Variants in ATL2 observed in about 807,000 individuals in gnomAD.
ATL2 encodes atlastin GTPase 2.
A neutral mutation model predicts 73.9 loss-of-function variants in ATL2; 31 were observed. That is an observed-to-expected ratio of 0.42 (90% confidence interval 0.32 to 0.57). The LOEUF (loss-of-function observed/expected upper bound fraction) is 0.57. Ranked by LOEUF, ATL2 falls within the 20% of genes least tolerant of loss-of-function variation. The pLI is 0.14. For synonymous variants in ATL2, 291 were observed against 237.5 expected (o/e 1.23, Z -2.07); for missense variants, 738 against 702.6 (o/e 1.05, Z -0.57).
intron 2 of ATL2, among the ~76,000 whole-genome samples, chr2:38,329,671 C>G (rs2888564): frequency 0.12 from 18,206 of 151,926 alleles, 2,494 homozygotes; most frequent in African/African-American, 0.34. Flanking sequence ...CAGTATATAT[C>G]ATGAATATAA....
At chr2:38,358,402 A>G in intron 1 of ATL2, 1 of 155,562 alleles carries the variant, frequency 6.4e-6, no homozygotes, top group South Asian at 1.7e-4. Flanking sequence ...GGAAAAAGCT[A>G]TAGAAATTAT....
At chr2:38,334,399 G>T (rs888116085) in intron 2 of ATL2, among the ~76,000 whole-genome samples, 1 of 150,692 alleles carries the variant, frequency 6.6e-6, no homozygotes, top group African/African-American at 2.4e-5. Flanking sequence ...TTTCCTTATT[G>T]ACTCTTAAAA....
At chr2:38,367,620 C>CAA (rs1671415479) in intron 1 of ATL2, among the ~76,000 whole-genome samples, 59 of 113,300 alleles carry the variant, frequency 5.2e-4, no homozygotes, top group Middle Eastern at 0.014. Context: ...AAAAAAACCG[C>CAA]CCATTTAAAA....
intron 9 of ATL2, among the ~76,000 whole-genome samples, chr2:38,307,058 C>G (rs1667486070): frequency 6.6e-6 from 1 of 152,078 alleles, no homozygotes; most frequent in Non-Finnish European, 1.5e-5. Context: ...TATGAAACTA[C>G]TAAAAGAACA....
intron 9 of ATL2, among the ~76,000 whole-genome samples, chr2:38,307,351 T>C (rs1311602728): frequency 1.4e-5 from 2 of 145,846 alleles, no homozygotes; most frequent in Admixed American, 1.3e-4. Context: ...CCCAGTGTTT[T>C]CTTTTCTTTT....
chr2:38,343,548 T>A (rs1012100102), intron 1 of ATL2, 36 bp from the exon 2 acceptor site: 3 of 1,579,904 alleles, frequency 1.9e-6, no homozygotes, highest in African/African-American at 1.4e-5. Context: ...GTTACTTTAA[T>A]CCCTATATTA....
At position 38,295,214 on chromosome 2, in the gene ATL2, C is replaced by A. The variant is rs1386181495; in HGVS notation, c.*780G>T. On this transcript the variant is annotated 3_prime_UTR_variant, in exon 13 of 13. Transcript: ENST00000378954. ...TATATATTTATAAGTCATATACATG[C>A]CCTATCTGTGATTTTAGAAAATAAA... 1 of 152,066 alleles carries A rather than the reference C, an allele frequency of 6.6e-6. No individual in the cohort carries two copies. Among genetic ancestry groups the A allele is most frequent in the African/African-American group, 2.4e-5 (1 of 41,390 alleles). 9.4% of individuals were successfully genotyped at this position (152,066 alleles called of 1,614,324 possible).
rs377563971 is a variant in ATL2 at position 38,318,874 on chromosome 2, C to G, written c.498+11G>C. ...AGAATACAGGGTAGAAAAGTATAAA[C>G]AGAATTTTACTTTAGTTCCATTAGG... is the stretch of plus-strand genomic sequence containing the variant. On this transcript the variant is annotated intron_variant, in intron 3 of 12. Transcript: ENST00000378954. The G allele has an allele frequency of 3.1e-6, 5 of 1,608,832 alleles. No homozygotes were observed. The highest frequency in any genetic ancestry group is 2.2e-5 in the East Asian group (1 of 44,844).
chr2:38,298,171 A>G lies in ATL2; in HGVS notation c.1605T>C (p.Asp535=). ...GTTCCCATAGTGTTTCAGCAATCTG[A>G]TCAATCACTGTTCCAATTTCTCTGA... is the stretch of plus-strand genomic sequence containing the variant. ...GEFREIGTVI[D]QIAETLWEQV... is the part of the protein sequence containing the mutation. The change falls in exon 12 of 13, where the codon GAT becomes GAC. Residue 535 remains aspartate, a synonymous_variant. Transcript: ENST00000378954. 8 of 1,613,686 alleles carry G rather than the reference A, an allele frequency of 5.0e-6. No individual in the cohort carries two copies. Among genetic ancestry groups the G allele is most frequent in the Non-Finnish European group, 6.8e-6 (8 of 1,179,750 alleles).
chr2:38,361,916 T>C (rs771982114), intron 1 of ATL2, among the ~76,000 whole-genome samples: 2 of 152,194 alleles, frequency 1.3e-5, no homozygotes, highest in Non-Finnish European at 2.9e-5. Context: ...TAAAAGGTAA[T>C]GCATGCATCA....
intron 9 of ATL2, 182 bp from the exon 10 acceptor site, chr2:38,300,510 CTAAA>C: frequency 2.1e-6 from 1 of 476,388 alleles, no homozygotes; most frequent in Non-Finnish European, 3.7e-6. Context: ...TTATATGCTG[CTAAA>C]TAATATCCTA....
chr2:38,324,081 G>C (rs1668470156), intron 2 of ATL2, among the ~76,000 whole-genome samples: 1 of 152,168 alleles, frequency 6.6e-6, no homozygotes, highest in South Asian at 2.1e-4. Flanking sequence ...TTTGAGACCA[G>C]CCTGACCAAC....
rs141446886 is a variant in ATL2, at chr2:38,314,629, T to G, written c.690A>C (p.Glu230Asp). ...TTACCTGAAATGGTTTCTGGTAGAT[T>G]TCTTCCATCGCAAGTCTTCCATACT... The part of the protein sequence containing the change: ...FTEYGRLAME[E>D]IYQKPFQTLM... Residue 230 changes from glutamate to aspartate, a missense_variant, in exon 6 of 13, where the codon GAA becomes GAC. Glu to Asp is a conservative substitution (Grantham distance 45). Transcript: ENST00000378954. 26 of 1,600,676 alleles carry G rather than the reference T, an allele frequency of 1.6e-5. No homozygotes were observed. In the African/African-American group the frequency reaches 3.3e-4, roughly 21 times the overall value.
chr2:38,310,691 G>A (rs1667711721), intron 7 of ATL2, among the ~76,000 whole-genome samples: 2 of 146,544 alleles, frequency 1.4e-5, no homozygotes, highest in South Asian at 4.3e-4. Context: ...AGGCTGGAGT[G>A]CAATGGTGCA....
At chr2:38,346,803 G>A (rs1456820491) in intron 1 of ATL2, among the ~76,000 whole-genome samples, 6 of 152,148 alleles carry the variant, frequency 3.9e-5, no homozygotes, top group Admixed American at 2.6e-4. Flanking sequence ...ACCAGTCCAC[G>A]GCCCTAGGGT....
rs117697028 is a variant in ATL2 at position 38,326,529 on chromosome 2, G to A, written c.364-7510C>T. Among the ~76,000 whole-genome samples, 12 of 152,264 alleles carry A rather than the reference G, an allele frequency of 7.9e-5. No homozygotes were observed. The East Asian group carries it at 1.9e-3, about 24-fold the overall frequency. ...AAAATAGGAAATTGATCCAGGAAGA[G>A]GACAGAACACCAAGCAGGATAAATA... On this transcript the variant is annotated intron_variant, in intron 2 of 12. Transcript: ENST00000378954.
chr2:38,320,668 A>C (rs1668270430), intron 2 of ATL2, among the ~76,000 whole-genome samples: 2 of 152,186 alleles, frequency 1.3e-5, no homozygotes, highest in African/African-American at 4.8e-5. Flanking sequence ...CATAGCCTTT[A>C]CTCAATGTAC....
chr2:38,305,250 C>A (rs917808938), intron 9 of ATL2, among the ~76,000 whole-genome samples: 2 of 152,074 alleles, frequency 1.3e-5, no homozygotes, highest in African/African-American at 2.4e-5. Context: ...GAAAGAGGAC[C>A]GGGCGCAGTG....
At chr2:38,314,811 T>C (rs1424227969) in intron 5 of ATL2, 147 bp from the exon 6 acceptor site, 5 of 558,286 alleles carry the variant, frequency 9.0e-6, no homozygotes, top group African/African-American at 5.7e-5. Context: ...ACTAGGTATG[T>C]ACAAAATTTC....
Sources: gnomAD v4.1 joint callset for allele counts (sites outside exome capture counted in the v4.1 genomes callset) on GRCh38, gnomAD v4.1.1 for gene constraint, MANE v1.5 for transcripts, NCBI Gene and HGNC (gene_info 2026-07-23, HGNC 2026-07-21) for gene names.